The following MTUS2 variants were observed in gnomAD, a reference collection of about 807,000 sequenced individuals.
MTUS2 encodes microtubule associated scaffold protein 2.
In MTUS2, 40 loss-of-function variants were observed where a neutral mutation model predicts 114.1. The observed-to-expected ratio is 0.35, with a 90% CI of 0.27 to 0.46. MTUS2 has a LOEUF of 0.46. Among genes scored for constraint, MTUS2 ranks in the 20% least tolerant of loss-of-function variants. The pLI, the probability that MTUS2 is intolerant of heterozygous loss-of-function variation, is 1.00. For missense variants in MTUS2, 1,679 were observed against 1,705.4 expected, an observed-to-expected ratio of 0.98 and a Z score of 0.27; for synonymous variants, 688 against 672.0, an observed-to-expected ratio of 1.02 and a Z score of -0.37.
chr13:29,015,810 A>T (rs1450260660), intron 2 of MTUS2, among the ~76,000 whole-genome samples: 1 of 152,168 alleles, frequency 6.6e-6, no homozygotes, highest in Non-Finnish European at 1.5e-5. Context: ...AAAGTGAAAA[A>T]TTGGGGTTAT....
chr13:29,275,901 T>C (rs1263597491), intron 5 of MTUS2, among the ~76,000 whole-genome samples: 1 of 152,238 alleles, frequency 6.6e-6, no homozygotes. Flanking sequence ...GTGGGATATA[T>C]GTCTTCTTCT....
intron 2 of MTUS2, among the ~76,000 whole-genome samples, chr13:28,902,587 C>T (rs1879708956): frequency 2.0e-5 from 3 of 152,000 alleles, no homozygotes; most frequent in Admixed American, 2.0e-4. Context: ...TTAATTGATA[C>T]AATCTTGCTT....
intron 5 of MTUS2, among the ~76,000 whole-genome samples, chr13:29,245,278 A>G (rs77459996): frequency 6.6e-6 from 1 of 152,208 alleles, no homozygotes; most frequent in Non-Finnish European, 1.5e-5. Context: ...CAGAGATGGT[A>G]AAACTTTCTT....
intron 2 of MTUS2, among the ~76,000 whole-genome samples, chr13:28,957,301 A>G (rs749385101): frequency 6.6e-6 from 1 of 152,212 alleles, no homozygotes; most frequent in African/African-American, 2.4e-5. Flanking sequence ...CATTCATTCA[A>G]TACCCATGTT....
Position 29,317,432 on chromosome 13 carries a change from C to CTTTTTTTTTTTTTTTT in MTUS2, c.2807-7179_2807-7164dup, listed in dbSNP as rs552766235. ...GCTTGTGCGCGCGCTCTCTCTCTCT[C>CTTTTTTTTTTTTTTTT]TTTTTTTTTTTTTTTTTGAGACGGA... On this transcript the variant is annotated intron_variant, in intron 6 of 15. Coordinates refer to ENST00000612955, the MANE Select transcript of MTUS2 (RefSeq NM_001033602.4). Among the ~76,000 whole-genome samples the CTTTTTTTTTTTTTTTT allele has an allele frequency of 3.9e-5, 2 of 51,676 alleles. 1 individual carries two copies. The highest frequency in any genetic ancestry group is 1.3e-4 in the African/African-American group (2 of 15,264). The allele number at this position is 51,676 out of a possible 152,430, so 33.9% of individuals were successfully genotyped here. A position where few individuals can be genotyped will look rare whatever the true frequency, so the allele number is the denominator to read the frequency against.
intron 5 of MTUS2, among the ~76,000 whole-genome samples, chr13:29,278,657 T>C (rs146403177): frequency 4.1e-4 from 62 of 152,298 alleles, no homozygotes; most frequent in African/African-American, 1.5e-3. Context: ...CAACAAGCAA[T>C]TTGGAAAGCA....
At chr13:29,406,772 G>A (rs1293356896) in intron 8 of MTUS2, among the ~76,000 whole-genome samples, 1 of 151,986 alleles carries the variant, frequency 6.6e-6, no homozygotes, top group African/African-American at 2.4e-5. Flanking sequence ...ACATAAAAAA[G>A]TATAGGTGTT....
At chr13:29,389,400 T>A (rs1465113687) in intron 8 of MTUS2, among the ~76,000 whole-genome samples, 1 of 77,012 alleles carries the variant, frequency 1.3e-5, no homozygotes, top group African/African-American at 6.2e-5. Flanking sequence ...TGTGTGTATA[T>A]ATGTATACAC....
At chr13:29,039,295 G>A (rs1032103342) in intron 4 of MTUS2, among the ~76,000 whole-genome samples, 4 of 152,174 alleles carry the variant, frequency 2.6e-5, no homozygotes, top group African/African-American at 9.7e-5. Flanking sequence ...TTAGAAATTC[G>A]GCTTCCAGAA....
At chr13:29,307,690 G>C (rs746283384) in intron 6 of MTUS2, 8 of 1,139,046 alleles carry the variant, frequency 7.0e-6, no homozygotes, top group Admixed American at 3.4e-5. Flanking sequence ...TGCCCTCAAC[G>C]ACCACTTTTT....
At chr13:29,373,569 A>T (rs1264187249) in intron 8 of MTUS2, among the ~76,000 whole-genome samples, 2 of 152,208 alleles carry the variant, frequency 1.3e-5, no homozygotes, top group African/African-American at 2.4e-5. Context: ...GGACTTTGAG[A>T]ATTGAACTAC....
chr13:28,938,287 C>T (rs1410674267), intron 2 of MTUS2, among the ~76,000 whole-genome samples: 3 of 151,264 alleles, frequency 2.0e-5, no homozygotes, highest in Non-Finnish European at 4.4e-5. Context: ...GAGGCTGAGG[C>T]GGGAGAATCA....
intron 10 of MTUS2, 100 bp from the exon 11 acceptor site, chr13:29,487,800 T>A (rs1881737307): frequency 3.4e-6 from 3 of 894,068 alleles, no homozygotes; most frequent in Non-Finnish European, 5.5e-6. Flanking sequence ...CTGTGACTTG[T>A]CATTGATGTT....
chr13:29,362,133 G>A (rs1238186850), intron 8 of MTUS2, among the ~76,000 whole-genome samples: 1 of 152,214 alleles, frequency 6.6e-6, no homozygotes, highest in African/African-American at 2.4e-5. Flanking sequence ...AAGTCATTGT[G>A]AGAATGTAGT....
chr13:28,997,909 A>G (rs961616233), intron 2 of MTUS2, among the ~76,000 whole-genome samples: 1 of 152,232 alleles, frequency 6.6e-6, no homozygotes, highest in African/African-American at 2.4e-5. Flanking sequence ...TAGTATTGTT[A>G]TGTGAGAATT....
At chr13:29,303,697 A>G (rs1017801704) in intron 6 of MTUS2, among the ~76,000 whole-genome samples, 3 of 152,218 alleles carry the variant, frequency 2.0e-5, no homozygotes, top group African/African-American at 7.2e-5. Context: ...GAATGGAACC[A>G]AGTTGGAAAA....
At chr13:29,491,647 T>C (rs945820650) in intron 11 of MTUS2, among the ~76,000 whole-genome samples, 11 of 148,784 alleles carry the variant, frequency 7.4e-5, no homozygotes, top group Admixed American at 7.4e-4. Flanking sequence ...TGTGTATGTG[T>C]GTGTGGCATG....
intron 4 of MTUS2, among the ~76,000 whole-genome samples, chr13:29,070,384 A>T (rs1295250164): frequency 6.6e-6 from 1 of 152,182 alleles, no homozygotes; most frequent in African/African-American, 2.4e-5. Context: ...TATTTTTGAA[A>T]TCATCTGTAG....
At chr13:29,451,998 T>C (rs1259771494) in intron 9 of MTUS2, among the ~76,000 whole-genome samples, 2 of 152,202 alleles carry the variant, frequency 1.3e-5, no homozygotes, top group Non-Finnish European at 2.9e-5. Flanking sequence ...GCCCCTCTTA[T>C]AGGAAAATAA....
Sources: allele counts gnomAD v4.1 joint callset (sites outside exome capture counted in the v4.1 genomes callset), GRCh38; gene constraint gnomAD v4.1.1; transcripts MANE v1.5; gene names NCBI Gene and HGNC (gene_info 2026-07-23, HGNC 2026-07-21).